Variants in FSTL5 observed in about 807,000 individuals in gnomAD.
FSTL5 encodes the protein follistatin-related protein 5.
Under a neutral mutation model 89.1 loss-of-function variants are expected in FSTL5, and 62 were observed. The ratio of observed to expected loss-of-function variants is 0.70; its 90% CI spans 0.57 to 0.86. The LOEUF (loss-of-function observed/expected upper bound fraction) is 0.86. FSTL5 is among the 40% of genes least tolerant of loss of function. The pLI is 0.00. For synonymous variants in FSTL5, 383 were observed against 346.2 expected, an observed-to-expected ratio of 1.11 and a Z score of -1.18; for missense variants, 1,057 against 1,001.6, an observed-to-expected ratio of 1.06 and a Z score of -0.75.
chr4:162,017,851 C>T (rs1736959670), intron 3 of FSTL5, among the ~76,000 whole-genome samples: 1 of 152,132 alleles, frequency 6.6e-6, no homozygotes, highest in Non-Finnish European at 1.5e-5. Flanking sequence ...TCCGTAAATG[C>T]AAATTTCCCT....
At chr4:161,440,763 A>C (rs1035786213) in intron 15 of FSTL5, among the ~76,000 whole-genome samples, 1 of 152,142 alleles carries the variant, frequency 6.6e-6, no homozygotes, top group Non-Finnish European at 1.5e-5. Flanking sequence ...CATCACAGTT[A>C]TGATTTCAAC....
Position 161,411,502 on chromosome 4 carries a change from C to T in FSTL5, c.1842-25053G>A, listed in dbSNP as rs186926009. On this transcript the variant is annotated intron_variant, in intron 15 of 15. Coordinates refer to ENST00000306100, the MANE Select transcript of FSTL5 (RefSeq NM_020116.5). The stretch of plus-strand genomic sequence containing the variant: ...AGTTAATACACTATGATCAAGTAGG[C>T]TTTATTCCTGGCATGCAGGGCTAAT... Among the ~76,000 whole-genome samples, 431 of 152,274 alleles carry T rather than the reference C, an allele frequency of 2.8e-3. 13 individuals carry two copies. The highest frequency in any genetic ancestry group is 0.027 in the Admixed American group (408 of 15,296).
intron 2 of FSTL5, among the ~76,000 whole-genome samples, chr4:162,048,455 C>T (rs865817388): frequency 1.2e-4 from 18 of 152,138 alleles, no homozygotes; most frequent in Middle Eastern, 3.4e-3. Context: ...AAATTGGTAA[C>T]ACTCAAGAAC....
intron 4 of FSTL5, among the ~76,000 whole-genome samples, chr4:161,887,429 TCTATCTAC>T (rs1307428668): frequency 3.0e-5 from 4 of 131,764 alleles, no homozygotes; most frequent in African/African-American, 1.1e-4. Flanking sequence ...CTATCTATCA[TCTATCTAC>T]CTATCATCTA....
chr4:161,984,894 T>C (rs527329410), intron 3 of FSTL5, among the ~76,000 whole-genome samples: 176 of 152,198 alleles, frequency 1.2e-3, no homozygotes, highest in African/African-American at 3.4e-3. Flanking sequence ...TCAAAATCTC[T>C]AGAAATGGGC....
At chr4:161,913,317 T>C (rs917662009) in intron 4 of FSTL5, among the ~76,000 whole-genome samples, 2 of 151,562 alleles carry the variant, frequency 1.3e-5, no homozygotes, top group Non-Finnish European at 2.9e-5. Flanking sequence ...GAAGAAAAAG[T>C]GGTTTGGTAG....
chr4:162,153,730 A>ATAT (rs1733343842), intron 1 of FSTL5, among the ~76,000 whole-genome samples: 1 of 88,038 alleles, frequency 1.1e-5, no homozygotes, highest in Non-Finnish European at 2.5e-5. Flanking sequence ...TAATATATGT[A>ATAT]TATATGTATA....
chr4:161,613,366 C>T (rs1734718686), intron 7 of FSTL5, among the ~76,000 whole-genome samples: 1 of 151,484 alleles, frequency 6.6e-6, no homozygotes, highest in Admixed American at 6.6e-5. Context: ...AGGAGAATTG[C>T]TTGAACCCAG....
chr4:161,491,574 C>T lies in FSTL5; in HGVS notation c.1458+8442G>A, dbSNP rs542374692. Among the ~76,000 whole-genome samples the T allele has an allele frequency of 7.2e-5, 11 of 152,170 alleles. No individual in the cohort carries two copies. In the South Asian group the frequency reaches 2.1e-3, roughly 29 times the overall value. ...ACAGCCAACAGGCTGGGCATGGTGG[C>T]TCATGCCTGTAACCCCAGCACTTTG... On this transcript the variant is annotated intron_variant, in intron 12 of 15. Transcript: ENST00000306100.
At chr4:162,156,332 G>T (rs1315099226) in intron 1 of FSTL5, among the ~76,000 whole-genome samples, 2 of 152,144 alleles carry the variant, frequency 1.3e-5, no homozygotes, top group African/African-American at 4.8e-5. Context: ...AAAGCAGTTT[G>T]GAGATTTCTC....
chr4:161,444,630 T>C (rs897261854), intron 15 of FSTL5, among the ~76,000 whole-genome samples: 6 of 151,824 alleles, frequency 4.0e-5, no homozygotes, highest in Non-Finnish European at 2.9e-5. Flanking sequence ...AAAAACAAAG[T>C]TTTCTGCAAG....
At chr4:161,826,673 C>T (rs72979184) in intron 4 of FSTL5, among the ~76,000 whole-genome samples, 13,721 of 152,032 alleles carry the variant, frequency 0.09, 773 homozygotes, top group African/African-American at 0.16. Context: ...ATGGCTGTTG[C>T]TTTGAAGTTT....
At chr4:161,920,680 C>T (rs142188029) in intron 3 of FSTL5, 28 bp from the exon 4 acceptor site, 3 of 1,586,320 alleles carry the variant, frequency 1.9e-6, no homozygotes, top group African/African-American at 1.4e-5. Context: ...AATTGAAAAT[C>T]GTTTGGTTCA....
chr4:161,456,355 T>C (rs988880679), intron 14 of FSTL5, among the ~76,000 whole-genome samples: 5 of 152,178 alleles, frequency 3.3e-5, no homozygotes, highest in Non-Finnish European at 7.4e-5. Flanking sequence ...TTGGAAAATA[T>C]TGTCATATAT....
At chr4:161,448,211 T>C (rs142744656) in intron 15 of FSTL5, among the ~76,000 whole-genome samples, 1 of 152,278 alleles carries the variant, frequency 6.6e-6, no homozygotes, top group African/African-American at 2.4e-5. Flanking sequence ...CCTCACTGAA[T>C]TGTGACTTTT....
At chr4:161,575,380 C>T (rs1733172545) in intron 8 of FSTL5, among the ~76,000 whole-genome samples, 2 of 152,090 alleles carry the variant, frequency 1.3e-5, no homozygotes, top group Non-Finnish European at 2.9e-5. Context: ...GCTTTTCTTG[C>T]AATTACTTTT....
At chr4:161,697,888 T>C (rs529886250) in intron 6 of FSTL5, among the ~76,000 whole-genome samples, 1 of 152,230 alleles carries the variant, frequency 6.6e-6, no homozygotes, top group Admixed American at 6.5e-5. Context: ...CCTGCTGCCA[T>C]AATTTATCAA....
chr4:161,511,074 A>G (rs7673966), intron 10 of FSTL5, among the ~76,000 whole-genome samples: 3,028 of 152,244 alleles, frequency 0.02, 91 homozygotes, highest in African/African-American at 0.068. Context: ...ATATTAAGAT[A>G]GAAATTAAGA....
chr4:161,863,898 G>T (rs1731996587), intron 4 of FSTL5, among the ~76,000 whole-genome samples: 1 of 152,130 alleles, frequency 6.6e-6, no homozygotes, highest in South Asian at 2.1e-4. Context: ...CAAATTTAGA[G>T]CCATGTCTTC....
Sources: gnomAD v4.1 joint callset for allele counts (sites outside exome capture counted in the v4.1 genomes callset) on GRCh38, gnomAD v4.1.1 for gene constraint, MANE v1.5 for transcripts, NCBI Gene and HGNC (gene_info 2026-07-23, HGNC 2026-07-21) for gene names.